Variants in GRB10 observed in about 807,000 individuals in gnomAD.
GRB10 encodes growth factor receptor-bound protein 10.
Under a neutral mutation model 80.9 loss-of-function variants are expected in GRB10, and 20 were observed. That is an observed-to-expected ratio of 0.25 (90% CI 0.17 to 0.36). The LOEUF (loss-of-function observed/expected upper bound fraction) is 0.36. Ranked by LOEUF, GRB10 falls within the 10% of genes least tolerant of loss-of-function variation. The pLI is 1.00. For missense variants in GRB10, 548 were observed against 747.7 expected, an observed-to-expected ratio of 0.73 and a Z score of 3.12; for synonymous variants, 291 against 291.5, an observed-to-expected ratio of 1.00 and a Z score of 0.02.
In GRB10 at chr7:50,732,286, GGTGCAAAAAGGAATCT is replaced by G. The variant is rs1283132257; in HGVS notation, c.21_36del (p.Asp8IlefsTer44). On this transcript the variant is annotated frameshift_variant, in exon 4 of 19. Transcript: ENST00000401949. LOFTEE classifies it high-confidence loss of function. The stretch of plus-strand genomic sequence containing the variant: ...CTCGCCCATACCTGGTAGTACGGAT[GGTGCAAAAAGGAATCT>G]GGGCAGCCGGCTAAAGCCATGGGTT... 1.9e-6 allele frequency: 3 copies of G among 1,614,016 alleles called. No homozygotes were observed. The highest frequency in any genetic ancestry group is 2.5e-6 in the Non-Finnish European group (3 of 1,179,968).
intron 17 of GRB10, among the ~76,000 whole-genome samples, chr7:50,601,942 A>G (rs545156632): frequency 1.1e-3 from 175 of 152,334 alleles, no homozygotes; most frequent in African/African-American, 4.1e-3. Flanking sequence ...AGAACTCAGG[A>G]AGCAACTTGA....
chr7:50,776,767 A>G (rs1214864458), intron 2 of GRB10, among the ~76,000 whole-genome samples: 1 of 152,126 alleles, frequency 6.6e-6, no homozygotes, highest in Non-Finnish European at 1.5e-5. Flanking sequence ...TAAGATATTC[A>G]TTTCCATATA....
intron 7 of GRB10, among the ~76,000 whole-genome samples, chr7:50,645,916 T>C (rs1270890546): frequency 6.6e-6 from 1 of 152,208 alleles, no homozygotes; most frequent in East Asian, 1.9e-4. Flanking sequence ...CCCCAAGTCA[T>C]ATGCCTTCCC....
chr7:50,659,269 T>C (rs2058976372), intron 7 of GRB10, among the ~76,000 whole-genome samples: 1 of 152,124 alleles, frequency 6.6e-6, no homozygotes, highest in Non-Finnish European at 1.5e-5. Flanking sequence ...CATGGCTTTT[T>C]CCCCCTCAGG....
chr7:50,676,982 T>A (rs1304259040), intron 5 of GRB10, among the ~76,000 whole-genome samples: 2 of 152,156 alleles, frequency 1.3e-5, no homozygotes, highest in African/African-American at 4.8e-5. Flanking sequence ...AGAGGCCACA[T>A]TCAAACCAGG....
At chr7:50,638,829 T>C (rs1446043195) in intron 7 of GRB10, among the ~76,000 whole-genome samples, 2 of 152,158 alleles carry the variant, frequency 1.3e-5, no homozygotes, top group African/African-American at 2.4e-5. Context: ...GGCAAAGACA[T>C]AGAATCAACC....
Position 50,758,710 on chromosome 7 carries a change from T to C in GRB10, c.-216-2654A>G, listed in dbSNP as rs187783031. ...TTAAACAAAAAAATTAAACTCCATA[T>C]TGTACTGATATCAGAGACTCAGAGA... On this transcript the variant is annotated intron_variant, in intron 2 of 18. Coordinates refer to ENST00000401949, the MANE Select transcript of GRB10 (RefSeq NM_001350814.2). 5.7e-4 allele frequency among the ~76,000 whole-genome samples: 87 copies of C among 152,326 alleles called. 1 individual carries two copies. Among genetic ancestry groups the C allele is most frequent in the African/African-American group, 2.0e-3 (84 of 41,564 alleles).
At chr7:50,753,807 C>CA (rs1554297846) in intron 3 of GRB10, among the ~76,000 whole-genome samples, 1 of 152,232 alleles carries the variant, frequency 6.6e-6, no homozygotes, top group African/African-American at 2.4e-5. Context: ...AATTGGAATG[C>CA]AGAGGCTGGG....
At chr7:50,762,652 T>A (rs1182142849) in intron 2 of GRB10, among the ~76,000 whole-genome samples, 3 of 152,206 alleles carry the variant, frequency 2.0e-5, no homozygotes, top group African/African-American at 7.2e-5. Flanking sequence ...TCACCTTCCA[T>A]ATGTGCCTTA....
intron 8 of GRB10, among the ~76,000 whole-genome samples, chr7:50,624,395 C>CCCG (rs2052485879): frequency 6.6e-6 from 1 of 152,220 alleles, no homozygotes; most frequent in Non-Finnish European, 1.5e-5. Context: ...AACAGGCTCT[C>CCCG]TGAGAGGCAC....
At chr7:50,637,404 C>G (rs1251341544) in intron 7 of GRB10, among the ~76,000 whole-genome samples, 1 of 151,962 alleles carries the variant, frequency 6.6e-6, no homozygotes, top group African/African-American at 2.4e-5. Context: ...AAGCTGAGAA[C>G]AAAATCAAGA....
At chr7:50,646,841 T>A (rs921874407) in intron 7 of GRB10, among the ~76,000 whole-genome samples, 2 of 152,166 alleles carry the variant, frequency 1.3e-5, no homozygotes, top group Non-Finnish European at 2.9e-5. Context: ...CAACCAATCC[T>A]CCATCTCATC....
At chr7:50,792,385 A>C in intron 1 of GRB10, 4 of 398,194 alleles carry the variant, frequency 1.0e-5, no homozygotes, top group Non-Finnish European at 1.8e-5. Flanking sequence ...AACCATAAAA[A>C]GTTCGCGTTT....
In GRB10 at chr7:50,612,856, A is replaced by G; in HGVS notation, c.1096-17T>C. 1 of 1,567,586 alleles carries G rather than the reference A, an allele frequency of 6.4e-7. No individual in the cohort carries two copies. Among genetic ancestry groups the G allele is most frequent in the Non-Finnish European group, 8.8e-7 (1 of 1,138,256 alleles). Reference sequence around the variant, plus strand: ...TTTGTTTGGCTACAGGAGGTAAAAGAAAGTCCTGTTAGTGTTACACAGGGA... The same window carrying G: ...TTTGTTTGGCTACAGGAGGTAAAAGGAAGTCCTGTTAGTGTTACACAGGGA... On this transcript the variant is annotated splice_polypyrimidine_tract_variant and intron_variant, in intron 12 of 18. Transcript: ENST00000401949.
intron 3 of GRB10, among the ~76,000 whole-genome samples, chr7:50,738,970 A>T (rs2071274170): frequency 6.6e-6 from 1 of 152,100 alleles, no homozygotes; most frequent in South Asian, 2.1e-4. Context: ...ATAATATATT[A>T]AAATTTGTTT....
intron 6 of GRB10, among the ~76,000 whole-genome samples, chr7:50,672,168 C>T (rs1172436430): frequency 6.6e-6 from 1 of 152,220 alleles, no homozygotes; most frequent in Non-Finnish European, 1.5e-5. Flanking sequence ...CTGCCTGCCC[C>T]CCAGCTCCCT....
intron 7 of GRB10, among the ~76,000 whole-genome samples, chr7:50,638,585 C>T (rs1229010450): frequency 6.6e-6 from 1 of 151,834 alleles, no homozygotes; most frequent in Non-Finnish European, 1.5e-5. Flanking sequence ...TAAAAGTCAA[C>T]AAAACAAAAG....
chr7:50,711,965 G>C (rs2065959831), intron 4 of GRB10, among the ~76,000 whole-genome samples: 1 of 152,080 alleles, frequency 6.6e-6, no homozygotes, highest in East Asian at 1.9e-4. Context: ...CATCTCGTAA[G>C]CGTGGGTGTG....
intron 5 of GRB10, among the ~76,000 whole-genome samples, chr7:50,675,947 G>A (rs1432337306): frequency 6.6e-6 from 1 of 152,166 alleles, no homozygotes; most frequent in Non-Finnish European, 1.5e-5. Context: ...CAATAATTTT[G>A]TTGTTGTTGT....
Sources: gnomAD v4.1 joint callset for allele counts (sites outside exome capture counted in the v4.1 genomes callset) on GRCh38, gnomAD v4.1.1 for gene constraint, MANE v1.5 for transcripts, NCBI Gene and HGNC (gene_info 2026-07-23, HGNC 2026-07-21) for gene names.